ATP4B: variants seen among roughly 807,000 people sequenced by gnomAD.
ATP4B encodes the protein ATPase H+/K+ transporting subunit beta.
Under a neutral mutation model 35.3 loss-of-function variants are expected in ATP4B, and 27 were observed. The ratio of observed to expected loss-of-function variants is 0.76; its 90% CI spans 0.56 to 1.05. ATP4B has a LOEUF of 1.05. ATP4B is among the 50% of genes least tolerant of loss of function. ATP4B has a pLI of 0.00. For missense variants in ATP4B, 375 were observed against 384.8 expected (o/e 0.97, Z 0.21); for synonymous variants, 162 against 156.0 (o/e 1.04, Z -0.29).
rs2049696654 is a variant in ATP4B, at chr13:113,649,626, G to A, written c.715-91C>T. 1 of 1,387,718 alleles carries A rather than the reference G, an allele frequency of 7.2e-7. No homozygotes were observed. The highest frequency in any genetic ancestry group is 3.1e-5 in the Admixed American group (1 of 32,034). The allele number at this position is 1,387,718 out of a possible 1,614,324, so 86.0% of individuals were successfully genotyped here. A position where few individuals can be genotyped will look rare whatever the true frequency, so the allele number is the denominator to read the frequency against. ...GCAAGGAAGTGTCAACAGTCAGGTT[G>A]GTGCAGAGAAGCAGCTCTTTTGTGT... is the stretch of plus-strand genomic sequence containing the variant. On this transcript the variant is annotated intron_variant, in intron 6 of 6. Transcript: ENST00000335288. This position sits in a 1 kb window ranked among gnomAD's most constrained non-coding sequence, Gnocchi z 4.7.
Position 113,650,405 on chromosome 13 carries a change from C to T in ATP4B, c.714+1G>A. On this transcript the variant is annotated splice_donor_variant, in intron 6 of 6. Transcript: ENST00000335288. LOFTEE classifies it high-confidence loss of function. The surrounding 1 kb of genome is among the most constrained non-coding windows in gnomAD (Gnocchi z 5.0). ...GGGAAGCGTGGAAGGAAGGAACCTA[C>T]CTGGGCTTTCTTCCCGTAATAAGGG... 1 of 1,613,674 alleles carries T rather than the reference C, an allele frequency of 6.2e-7. No individual in the cohort carries two copies. The highest frequency in any genetic ancestry group is 8.5e-7 in the Non-Finnish European group (1 of 1,179,666).
rs771002012 is a variant in ATP4B, at chr13:113,654,889, C to T, written c.166G>A (p.Ala56Thr). Residue 56 changes from alanine to threonine, a missense_variant, in exon 2 of 7, where the codon GCC becomes ACC. By Grantham distance (58) the Ala-to-Thr change is moderately conservative. Transcript: ENST00000335288. ...AFYVVMTGLF[A>T]LCLYVLMQTV... ...TGCATCAGCACATAGAGGCACAGGG[C>T]GAAGAGCCCAGTCATCACCACGTAG... 18 of 1,614,202 alleles carry T rather than the reference C, an allele frequency of 1.1e-5. No homozygotes were observed. Among genetic ancestry groups the T allele is most frequent in the East Asian group, 4.5e-5 (2 of 44,888 alleles).
chr13:113,650,575 T>C lies in ATP4B; in HGVS notation c.613-68A>G. ...GTGTGCCGGTGTCTGTGTGTTGCGT[T>C]TGTGTGCGTGTGTGCACACACGCGC... On this transcript the variant is annotated intron_variant, in intron 5 of 6. Transcript: ENST00000335288. This position sits in a 1 kb window ranked among gnomAD's most constrained non-coding sequence, Gnocchi z 5.0. 4 of 1,313,046 alleles carry C rather than the reference T, an allele frequency of 3.0e-6. No homozygotes were observed. Among genetic ancestry groups the C allele is most frequent in the Non-Finnish European group, 4.3e-6 (4 of 937,062 alleles). The allele number at this position is 1,313,046 out of a possible 1,614,324, so 81.3% of individuals were successfully genotyped here.
chr13:113,651,735 G>A lies in ATP4B; in HGVS notation c.556-8C>T, dbSNP rs759709961. 1.2e-6 allele frequency: 2 copies of A among 1,613,492 alleles called. No individual in the cohort carries two copies. The highest frequency in any genetic ancestry group is 2.2e-5 in the East Asian group (1 of 44,822). On this transcript the variant is annotated splice_polypyrimidine_tract_variant and splice_region_variant and intron_variant, in intron 4 of 6. Transcript: ENST00000335288. Reference sequence around the variant, plus strand: ...GGGGAGGAACTTGACGATCTAGAAGGGAAAAGCTTGAGCGTGGCCGCTCCC... The same window carrying A: ...GGGGAGGAACTTGACGATCTAGAAGAGAAAAGCTTGAGCGTGGCCGCTCCC...
rs550622048 is a variant in ATP4B at position 113,650,168 on chromosome 13, CAAA to C, written c.714+235_714+237del. On this transcript the variant is annotated intron_variant, in intron 6 of 6. Coordinates refer to ENST00000335288, the MANE Select transcript of ATP4B (RefSeq NM_000705.4). This position sits in a 1 kb window ranked among gnomAD's most constrained non-coding sequence, Gnocchi z 5.0. Reference sequence around the variant, plus strand: ...CCTGGGTGACAGAGCAAGACTGTCTCAAAAAAAAAAAAAAAAGTTGAAGAGTTA... The same window carrying C: ...CCTGGGTGACAGAGCAAGACTGTCTCAAAAAAAAAAAAAGTTGAAGAGTTA... Among the ~76,000 whole-genome samples the C allele has an allele frequency of 6.0e-3, 601 of 99,968 alleles. 4 individuals are homozygous for C. The highest frequency in any genetic ancestry group is 0.017 in the African/African-American group (526 of 30,308). 65.6% of individuals were successfully genotyped at this position (99,968 alleles called of 152,430 possible).
intron 1 of ATP4B, among the ~76,000 whole-genome samples, chr13:113,656,339 C>T (rs901502406): frequency 2.2e-4 from 33 of 152,306 alleles, no homozygotes; most frequent in South Asian, 8.3e-4. Flanking sequence ...CTCTGGGGCC[C>T]GTGGTGCACA....
Position 113,650,369 on chromosome 13 carries a change from A to G in ATP4B, c.714+37T>C, listed in dbSNP as rs1343672501. On this transcript the variant is annotated intron_variant, in intron 6 of 6. Transcript: ENST00000335288. The surrounding 1 kb of genome is among the most constrained non-coding windows in gnomAD (Gnocchi z 5.0). ...TTCGCTAAGTGTGAGAGGACTCAGC[A>G]GCTGTGGTGAGGGAAGCGTGGAAGG... is the stretch of plus-strand genomic sequence containing the variant. The G allele has an allele frequency of 6.3e-7, 1 of 1,578,288 alleles. No individual in the cohort carries two copies.
At chr13:113,652,793 G>A in intron 4 of ATP4B, 80 bp downstream of exon 4, 1 of 1,508,454 alleles carries the variant, frequency 6.6e-7, no homozygotes, top group Non-Finnish European at 9.1e-7. Flanking sequence ...CAGGACACCT[G>A]TGCTCCTCGT....
At chr13:113,651,267 G>A (rs1037416464) in intron 5 of ATP4B, among the ~76,000 whole-genome samples, 11 of 152,350 alleles carry the variant, frequency 7.2e-5, no homozygotes, top group East Asian at 3.9e-4. Context: ...GCCTGAGATC[G>A]ATGCCAACTC....
intron 4 of ATP4B, among the ~76,000 whole-genome samples, chr13:113,652,123 G>A (rs2049717132): frequency 6.6e-6 from 1 of 152,212 alleles, no homozygotes; most frequent in Non-Finnish European, 1.5e-5. Context: ...GCCCACCCGG[G>A]CCTTCAGCCC....
chr13:113,653,424 T>C lies in ATP4B; in HGVS notation c.252A>G (p.Leu84=), dbSNP rs200364303. The C allele has an allele frequency of 2.1e-4, 338 of 1,614,006 alleles. No homozygotes were observed. Among genetic ancestry groups the C allele is most frequent in the Non-Finnish European group, 2.7e-4 (324 of 1,179,940 alleles). ...CTTTCTCCCCGTAAACATCCGGCCTTAAGGTTACCCCTGGAGAGAGAGACC... is the reference window on the plus strand; with the variant it reads ...CTTTCTCCCCGTAAACATCCGGCCTCAAGGTTACCCCTGGAGAGAGAGACC... ...QDQLRSPGVT[L]RPDVYGEKGL... is the part of the protein sequence containing the mutation. Residue 84 remains leucine, a synonymous_variant, in exon 3 of 7, where the codon TTA becomes TTG. Coordinates refer to ENST00000335288, the MANE Select transcript of ATP4B (RefSeq NM_000705.4).
chr13:113,650,562 C>CGTT lies in ATP4B; in HGVS notation c.613-56_613-55insAAC. The CGTT allele has an allele frequency of 1.4e-6, 2 of 1,454,652 alleles. No individual in the cohort carries two copies. The highest frequency in any genetic ancestry group is 1.9e-6 in the Non-Finnish European group (2 of 1,059,650). 90.1% of individuals were successfully genotyped at this position (1,454,652 alleles called of 1,614,324 possible). On this transcript the variant is annotated intron_variant, in intron 5 of 6. Transcript: ENST00000335288. The surrounding 1 kb of genome is among the most constrained non-coding windows in gnomAD (Gnocchi z 5.0). ...GGCGGGAGCTGGTGTGTGCCGGTGT[C>CGTT]TGTGTGTTGCGTTTGTGTGCGTGTG...
At chr13:113,652,776 C>T (rs770890534) in intron 4 of ATP4B, 97 bp downstream of exon 4, 3 of 1,423,678 alleles carry the variant, frequency 2.1e-6, no homozygotes, top group South Asian at 1.2e-5. Context: ...CTTGGGCAAG[C>T]CCCAGACAGG....
chr13:113,657,209 C>T (rs1014016895), intron 1 of ATP4B, among the ~76,000 whole-genome samples: 4 of 152,076 alleles, frequency 2.6e-5, no homozygotes, highest in Non-Finnish European at 1.5e-5. Context: ...GCTCTGGGAC[C>T]CCCAGAGCCG....
chr13:113,656,918 C>T (rs938564458), intron 1 of ATP4B, among the ~76,000 whole-genome samples: 100 of 152,278 alleles, frequency 6.6e-4, no homozygotes, highest in African/African-American at 2.4e-3. Flanking sequence ...AGCTCCTTCC[C>T]CATCCTGGCC....
chr13:113,649,300 G>C lies in ATP4B; in HGVS notation c.*74C>G. ...GGATGATTTGGCAGGGAACTGACGG[G>C]CAAGGTAAGCCCAACCAGGAGGGTG... is the stretch of plus-strand genomic sequence containing the variant. On this transcript the variant is annotated 3_prime_UTR_variant, in exon 7 of 7. Coordinates refer to ENST00000335288, the MANE Select transcript of ATP4B (RefSeq NM_000705.4). This position sits in a 1 kb window ranked among gnomAD's most constrained non-coding sequence, Gnocchi z 4.7. 1 of 1,504,370 alleles carries C rather than the reference G, an allele frequency of 6.6e-7. No homozygotes were observed. The highest frequency in any genetic ancestry group is 2.5e-5 in the East Asian group (1 of 39,844). 93.2% of individuals were successfully genotyped at this position (1,504,370 alleles called of 1,614,324 possible). A position where few individuals can be genotyped will look rare whatever the true frequency, so the allele number is the denominator to read the frequency against.
intron 2 of ATP4B, among the ~76,000 whole-genome samples, chr13:113,654,442 C>G (rs2049737675): frequency 1.3e-5 from 2 of 152,322 alleles, no homozygotes; most frequent in South Asian, 4.1e-4. Flanking sequence ...TGCGTCCTTG[C>G]AGAAACATTC....
rs745679815 is a variant in ATP4B, at chr13:113,658,028, C to G, written c.112+5G>C. Reference sequence around the variant, plus strand: ...GCACCCAGCCGGCCCGCCCCCCGCACGTACCCCACCGGGACAGGGTGCGGC... The same window carrying G: ...GCACCCAGCCGGCCCGCCCCCCGCAGGTACCCCACCGGGACAGGGTGCGGC... On this transcript the variant is annotated splice_donor_5th_base_variant and intron_variant, in intron 1 of 6. Coordinates refer to ENST00000335288, the MANE Select transcript of ATP4B (RefSeq NM_000705.4). The G allele has an allele frequency of 1.3e-6, 2 of 1,594,520 alleles. No homozygotes were observed. The highest frequency in any genetic ancestry group is 1.7e-6 in the Non-Finnish European group (2 of 1,172,478).
At position 113,651,655 on chromosome 13, in the gene ATP4B, G is replaced by A. The variant is rs369199790; in HGVS notation, c.612+16C>T. 54 of 1,597,448 alleles carry A rather than the reference G, an allele frequency of 3.4e-5. No homozygotes were observed. Among genetic ancestry groups the A allele is most frequent in the African/African-American group, 1.9e-4 (14 of 74,334 alleles). ...CTTTCCTGGGGCAGCCCTGCCCGCC[G>A]CGCGGCCGTACTCACCAGGAAGGCG... On this transcript the variant is annotated intron_variant, in intron 5 of 6. Coordinates refer to ENST00000335288, the MANE Select transcript of ATP4B (RefSeq NM_000705.4).
Sources: allele counts gnomAD v4.1 joint callset (sites outside exome capture counted in the v4.1 genomes callset), GRCh38; gene constraint gnomAD v4.1.1; non-coding constraint Gnocchi (gnomAD v3.1); transcripts MANE v1.5; gene names NCBI Gene and HGNC (gene_info 2026-07-23, HGNC 2026-07-21).